The following DLGAP2 variants were observed in gnomAD, a reference collection of about 807,000 sequenced individuals.
The protein encoded by DLGAP2 is disks large-associated protein 2.
Under a neutral mutation model 100.3 loss-of-function variants are expected in DLGAP2, and 26 were observed. That is an observed-to-expected ratio of 0.26 (90% CI 0.19 to 0.36). The LOEUF (loss-of-function observed/expected upper bound fraction) is 0.36, where lower values mean the gene tolerates loss of function less well. Among genes scored for constraint, DLGAP2 ranks in the 10% least tolerant of loss-of-function variants. The probability of loss-of-function intolerance (pLI) is 1.00; values close to 1 mark genes in which losing one functional copy is unlikely to be tolerated. For missense variants in DLGAP2, 1,858 were observed against 1,453.2 expected (o/e 1.28, Z -4.53); for synonymous variants, 886 against 630.1 (o/e 1.41, Z -6.08).
At chr8:835,663 G>T (rs1277265151) in intron 1 of DLGAP2, among the ~76,000 whole-genome samples, 1 of 152,132 alleles carries the variant, frequency 6.6e-6, no homozygotes, top group Non-Finnish European at 1.5e-5. Context: ...TGAACTTCAG[G>T]TTTGCTACCT....
intron 5 of DLGAP2, among the ~76,000 whole-genome samples, chr8:1,551,456 C>A (rs555818425): frequency 6.6e-6 from 1 of 152,174 alleles, no homozygotes; most frequent in Non-Finnish European, 1.5e-5. Context: ...TCTCCCCAAG[C>A]CCCTCCAGCT....
chr8:1,667,395 G>A (rs1318376637), intron 8 of DLGAP2, among the ~76,000 whole-genome samples: 1 of 152,158 alleles, frequency 6.6e-6, no homozygotes, highest in Non-Finnish European at 1.5e-5. Context: ...TGCAACTCGA[G>A]TTTGGGAGGA....
At chr8:1,665,169 G>A (rs1348933974) in intron 8 of DLGAP2, among the ~76,000 whole-genome samples, 3 of 151,870 alleles carry the variant, frequency 2.0e-5, no homozygotes, top group African/African-American at 4.8e-5. Context: ...TTTAATTTAC[G>A]AGATATTCCA....
intron 2 of DLGAP2, among the ~76,000 whole-genome samples, chr8:968,960 GA>G (rs1799947856): frequency 1.3e-5 from 2 of 152,170 alleles, no homozygotes; most frequent in Non-Finnish European, 2.9e-5. Context: ...CAGTTCCCGC[GA>G]ACCAATCAAG....
intron 2 of DLGAP2, among the ~76,000 whole-genome samples, chr8:1,133,825 A>G (rs1383235612): frequency 1.3e-5 from 2 of 152,196 alleles, no homozygotes; most frequent in African/African-American, 4.8e-5. Context: ...TACAATCATA[A>G]AATCCGTATT....
At chr8:1,205,566 G>A (rs540534092) in intron 2 of DLGAP2, among the ~76,000 whole-genome samples, 7 of 152,322 alleles carry the variant, frequency 4.6e-5, no homozygotes, top group African/African-American at 1.7e-4. Context: ...AGCACCCTGG[G>A]AGCTTTTACT....
chr8:1,110,511 T>A (rs554227929), intron 2 of DLGAP2, among the ~76,000 whole-genome samples: 1 of 150,146 alleles, frequency 6.7e-6, no homozygotes, highest in East Asian at 2.0e-4. Context: ...CACGTGCCTG[T>A]GAAGTGTGCT....
At chr8:1,291,039 G>A (rs1446371653) in intron 3 of DLGAP2, among the ~76,000 whole-genome samples, 1 of 152,092 alleles carries the variant, frequency 6.6e-6, no homozygotes, top group Non-Finnish European at 1.5e-5. Context: ...GAAACAAAAG[G>A]TCTATAGGCA....
intron 2 of DLGAP2, among the ~76,000 whole-genome samples, chr8:949,563 C>T (rs148880055): frequency 1.6e-4 from 24 of 152,330 alleles, no homozygotes; most frequent in African/African-American, 5.5e-4. Flanking sequence ...CAGGACCCCA[C>T]ACGTGGGCGC....
At chr8:1,195,799 C>G (rs1398545327) in intron 2 of DLGAP2, among the ~76,000 whole-genome samples, 1 of 152,190 alleles carries the variant, frequency 6.6e-6, no homozygotes, top group Non-Finnish European at 1.5e-5. Context: ...GCGCGTTCCC[C>G]GGAGTGCGTG....
chr8:1,547,440 G>A (rs1413632683), intron 4 of DLGAP2, among the ~76,000 whole-genome samples: 1 of 152,010 alleles, frequency 6.6e-6, no homozygotes, highest in African/African-American at 2.4e-5. Context: ...AGAGGAGGAG[G>A]CCATCGTGAT....
At chr8:1,103,346 C>T (rs1028442898) in intron 2 of DLGAP2, among the ~76,000 whole-genome samples, 2 of 151,896 alleles carry the variant, frequency 1.3e-5, no homozygotes, top group Non-Finnish European at 2.9e-5. Flanking sequence ...CTGGCAGGGC[C>T]TTGGTTAACG....
chr8:763,725 C>A (rs942412715), intron 1 of DLGAP2, among the ~76,000 whole-genome samples: 2 of 151,364 alleles, frequency 1.3e-5, no homozygotes, highest in African/African-American at 4.9e-5. Context: ...AAAGACAATA[C>A]GTGTGTCCTG....
chr8:1,193,653 T>C (rs1797687579), intron 2 of DLGAP2, among the ~76,000 whole-genome samples: 1 of 152,168 alleles, frequency 6.6e-6, no homozygotes, highest in South Asian at 2.1e-4. Flanking sequence ...CTGGCACGGC[T>C]GTTTCTGTGA....
chr8:1,067,662 G>C (rs1326470811), intron 2 of DLGAP2, among the ~76,000 whole-genome samples: 1 of 143,666 alleles, frequency 7.0e-6, no homozygotes, highest in African/African-American at 2.6e-5. Flanking sequence ...AATATTTTTA[G>C]CACAGTTTTA....
At chr8:1,653,208 C>T (rs908233222) in intron 8 of DLGAP2, among the ~76,000 whole-genome samples, 2 of 152,080 alleles carry the variant, frequency 1.3e-5, no homozygotes, top group African/African-American at 4.8e-5. Context: ...CCTCACCACG[C>T]AGATGCTGCC....
chr8:1,409,130 C>T (rs1008322641), intron 3 of DLGAP2, among the ~76,000 whole-genome samples: 3 of 89,256 alleles, frequency 3.4e-5, no homozygotes, highest in South Asian at 3.3e-4. Context: ...CCATAGCAGG[C>T]GCCCGGCTCC....
intron 3 of DLGAP2, among the ~76,000 whole-genome samples, chr8:1,431,399 A>C (rs554776932): frequency 1.3e-5 from 2 of 152,332 alleles, no homozygotes; most frequent in East Asian, 1.9e-4. Flanking sequence ...CTGACAACCT[A>C]CTGGGCGTCA....
At chr8:853,442 G>T (rs766449484) in intron 1 of DLGAP2, among the ~76,000 whole-genome samples, 3 of 152,358 alleles carry the variant, frequency 2.0e-5, no homozygotes, top group Middle Eastern at 6.8e-3. Flanking sequence ...GAGAGCAGGT[G>T]TGTGGTATAA....
Sources: gnomAD v4.1 joint callset for allele counts (sites outside exome capture counted in the v4.1 genomes callset) on GRCh38, gnomAD v4.1.1 for gene constraint, MANE v1.5 for transcripts, NCBI Gene and HGNC (gene_info 2026-07-23, HGNC 2026-07-21) for gene names.